The following MYBPC2 variants were observed in gnomAD, a reference collection of about 807,000 sequenced individuals.
MYBPC2 encodes the protein myosin-binding protein C, fast-type.
MYBPC2 carries 122 observed loss-of-function variants against 137.0 expected under a neutral mutation model. The observed-to-expected ratio is 0.89, with a 90% CI of 0.77 to 1.03. The LOEUF is 1.03. Among genes scored for constraint, MYBPC2 ranks in the 50% least tolerant of loss-of-function variants. MYBPC2 has a pLI of 0.00. For missense variants in MYBPC2, 1,500 were observed against 1,534.4 expected, an observed-to-expected ratio of 0.98 and a Z score of 0.37; for synonymous variants, 626 against 612.3, an observed-to-expected ratio of 1.02 and a Z score of -0.33.
intron 4 of MYBPC2, among the ~76,000 whole-genome samples, chr19:50,436,398 G>T (rs2039703950): frequency 6.6e-6 from 1 of 152,206 alleles, no homozygotes; most frequent in Non-Finnish European, 1.5e-5. Flanking sequence ...TCCTGGCAAG[G>T]CCTGAGGGGG....
At chr19:50,454,598 G>A (rs2039891942) in intron 18 of MYBPC2, among the ~76,000 whole-genome samples, 1 of 151,674 alleles carries the variant, frequency 6.6e-6, no homozygotes, top group African/African-American at 2.4e-5. Flanking sequence ...GCTAATTTTT[G>A]TATTTTTAGT....
intron 12 of MYBPC2, 131 bp from the exon 13 acceptor site, chr19:50,448,094 G>T: frequency 1.8e-6 from 2 of 1,106,018 alleles, no homozygotes. Flanking sequence ...GAGGCCAACG[G>T]GTTGTTTCTG....
Position 50,458,086 on chromosome 19 carries a change from C to T in MYBPC2, c.2339-501C>T, listed in dbSNP as rs550099135. On this transcript the variant is annotated intron_variant, in intron 20 of 27. Coordinates refer to ENST00000357701, the MANE Select transcript of MYBPC2 (RefSeq NM_004533.4). ...CAGCACTTTGGGAGGCCGAGGTGGG[C>T]GGATCACGAGGTCAGGAGTTCAAGA... is the stretch of plus-strand genomic sequence containing the variant. Among the ~76,000 whole-genome samples the T allele has an allele frequency of 6.9e-4, 105 of 151,388 alleles. 1 individual carries two copies. Among genetic ancestry groups the T allele is most frequent in the African/African-American group, 2.4e-3 (100 of 41,308 alleles).
intron 4 of MYBPC2, 93 bp downstream of exon 4, chr19:50,436,253 T>C: frequency 6.7e-7 from 1 of 1,486,598 alleles, no homozygotes; most frequent in East Asian, 2.5e-5. Context: ...GGCATCAATG[T>C]GGGCCTGGAG....
intron 18 of MYBPC2, 150 bp downstream of exon 18, chr19:50,454,519 G>A (rs1217517470): frequency 1.5e-6 from 1 of 682,126 alleles, no homozygotes; most frequent in African/African-American, 1.9e-5. Flanking sequence ...TCTGCCTCCT[G>A]GGTACAAGCA....
chr19:50,463,474 C>T (rs1373024590), intron 26 of MYBPC2, among the ~76,000 whole-genome samples: 1 of 152,214 alleles, frequency 6.6e-6, no homozygotes, highest in Non-Finnish European at 1.5e-5. Flanking sequence ...TCCTTCACTC[C>T]ATTTGCTTAT....
chr19:50,433,592 G>A (rs2039676823), intron 1 of MYBPC2, among the ~76,000 whole-genome samples: 2 of 151,994 alleles, frequency 1.3e-5, no homozygotes, highest in Admixed American at 6.5e-5. Context: ...GACGGGTTTC[G>A]CCATGTTGAC....
intron 20 of MYBPC2, among the ~76,000 whole-genome samples, chr19:50,457,834 C>T (rs2039928074): frequency 6.6e-6 from 1 of 151,592 alleles, no homozygotes; most frequent in African/African-American, 2.4e-5. Flanking sequence ...TGCCTGCCAC[C>T]TTGCCCGGCT....
At chr19:50,433,618 C>G (rs1043228772) in intron 1 of MYBPC2, among the ~76,000 whole-genome samples, 8 of 152,002 alleles carry the variant, frequency 5.3e-5, no homozygotes, top group Admixed American at 2.6e-4. Context: ...TGGTCTCAAA[C>G]CCCCAACCTC....
chr19:50,455,385 C>T (rs1039186627), intron 19 of MYBPC2, 89 bp downstream of exon 19: 21 of 1,556,828 alleles, frequency 1.3e-5, no homozygotes, highest in East Asian at 4.5e-5. Flanking sequence ...ATCTTTTGCC[C>T]GCCATCAATC....
intron 15 of MYBPC2, 41 bp downstream of exon 15, chr19:50,451,350 G>A (rs867861129): frequency 6.2e-7 from 1 of 1,608,564 alleles, no homozygotes; most frequent in Middle Eastern, 1.7e-4. Flanking sequence ...TCTGAGGGAG[G>A]AGGGACCGGG....
intron 20 of MYBPC2, among the ~76,000 whole-genome samples, chr19:50,456,487 C>T (rs1435612154): frequency 6.9e-6 from 1 of 145,756 alleles, no homozygotes; most frequent in Admixed American, 7.1e-5. Context: ...GGCTAGAGTG[C>T]AGTGGCACGA....
chr19:50,434,566 C>T lies in MYBPC2; in HGVS notation c.20-595C>T, dbSNP rs545146733. Among the ~76,000 whole-genome samples the T allele has an allele frequency of 5.4e-4, 82 of 152,250 alleles. No individual in the cohort carries two copies. The South Asian group carries it at 5.4e-3, about 10-fold the overall frequency. On this transcript the variant is annotated intron_variant, in intron 1 of 27. Coordinates refer to ENST00000357701, the MANE Select transcript of MYBPC2 (RefSeq NM_004533.4). ...GGCTTCTTCATGCAGGGAATGGGGTCCTTTTTGCGGGGTTTGGGGACCTTC... is the reference window on the plus strand; with the variant it reads ...GGCTTCTTCATGCAGGGAATGGGGTTCTTTTTGCGGGGTTTGGGGACCTTC...
chr19:50,464,643 G>A, intron 27 of MYBPC2, 111 bp downstream of exon 27: 1 of 1,240,500 alleles, frequency 8.1e-7, no homozygotes, highest in Non-Finnish European at 1.1e-6. Flanking sequence ...AGTGAGACCA[G>A]CCCTCTGGGA....
intron 7 of MYBPC2, 146 bp downstream of exon 7, chr19:50,437,864 T>G: frequency 1.1e-6 from 1 of 921,970 alleles, no homozygotes; most frequent in East Asian, 2.7e-5. Flanking sequence ...CCACCCAGCA[T>G]CTAACACACC....
chr19:50,450,283 G>A (rs1283156662), intron 13 of MYBPC2, among the ~76,000 whole-genome samples: 1 of 151,590 alleles, frequency 6.6e-6, no homozygotes, highest in African/African-American at 2.4e-5. Flanking sequence ...TTTTGAGACA[G>A]GGTCTCAACC....
intron 13 of MYBPC2, among the ~76,000 whole-genome samples, chr19:50,450,484 G>A (rs543946327): frequency 2.0e-5 from 3 of 152,178 alleles, no homozygotes; most frequent in East Asian, 3.9e-4. Flanking sequence ...GCCCTGGCTG[G>A]TCTCGAACTC....
chr19:50,436,834 A>T lies in MYBPC2; in HGVS notation c.463+100A>T, dbSNP rs371250201. ...GGGAGAGTGCACAGGCATGGGCATGAGGTGGGCACAGGTTTTTGGAGGAGG... is the reference window on the plus strand; with the variant it reads ...GGGAGAGTGCACAGGCATGGGCATGTGGTGGGCACAGGTTTTTGGAGGAGG... On this transcript the variant is annotated intron_variant, in intron 5 of 27. Transcript: ENST00000357701. 3.9e-4 allele frequency: 419 copies of T among 1,064,056 alleles called. 5 individuals carry two copies. The South Asian group carries it at 5.2e-3, about 13-fold the overall frequency. The allele number at this position is 1,064,056 out of a possible 1,614,324, so 65.9% of individuals were successfully genotyped here. A position where few individuals can be genotyped will look rare whatever the true frequency, so the allele number is the denominator to read the frequency against.
At chr19:50,456,553 C>T (rs2122610275) in intron 20 of MYBPC2, among the ~76,000 whole-genome samples, 1 of 152,070 alleles carries the variant, frequency 6.6e-6, no homozygotes, top group Non-Finnish European at 1.5e-5. Context: ...GCCTCAGCCT[C>T]CCAAGTAGCT....
Sources: allele counts gnomAD v4.1 joint callset (sites outside exome capture counted in the v4.1 genomes callset), GRCh38; gene constraint gnomAD v4.1.1; transcripts MANE v1.5; gene names NCBI Gene and HGNC (gene_info 2026-07-23, HGNC 2026-07-21).